PHLPP1: variants seen among roughly 807,000 people sequenced by gnomAD.
The protein encoded by PHLPP1 is PH domain and leucine rich repeat protein phosphatase 1.
PHLPP1 carries 42 observed loss-of-function variants against 117.2 expected under a neutral mutation model. The observed-to-expected ratio is 0.36, with a 90% CI of 0.28 to 0.46. The LOEUF (loss-of-function observed/expected upper bound fraction) is 0.46. PHLPP1 is among the 20% of genes least tolerant of loss of function. The probability of loss-of-function intolerance (pLI) is 1.00; values close to 1 mark genes in which losing one functional copy is unlikely to be tolerated. For missense variants in PHLPP1, 2,084 were observed against 2,241.9 expected, an observed-to-expected ratio of 0.93 and a Z score of 1.42; for synonymous variants, 1,042 against 970.7, an observed-to-expected ratio of 1.07 and a Z score of -1.37.
At chr18:62,777,791 AT>A (rs1427782092) in intron 1 of PHLPP1, among the ~76,000 whole-genome samples, 1 of 152,156 alleles carries the variant, frequency 6.6e-6, no homozygotes, top group African/African-American at 2.4e-5. Context: ...CTTTTAGAAT[AT>A]TTTTGTTAAA....
chr18:62,905,412 T>G (rs1916822192), intron 8 of PHLPP1, 128 bp downstream of exon 8: 1 of 432,520 alleles, frequency 2.3e-6, no homozygotes, highest in African/African-American at 2.0e-5. Flanking sequence ...GATTTTTACT[T>G]TATTCTCTAA....
intron 6 of PHLPP1, among the ~76,000 whole-genome samples, chr18:62,900,433 CTTTTTTTTTTTTTTTT>C (rs774225759): frequency 3.7e-5 from 2 of 54,258 alleles, no homozygotes; most frequent in Admixed American, 2.3e-4. Flanking sequence ...CTTTTTCTTT[CTTTTTTTTTTTTTTTT>C]TTTTTTTTTT....
chr18:62,822,877 A>G (rs933751925), intron 1 of PHLPP1, among the ~76,000 whole-genome samples: 41 of 152,200 alleles, frequency 2.7e-4, no homozygotes, highest in Non-Finnish European at 5.1e-4. Flanking sequence ...ACTCAGTTTT[A>G]TTGCAGGTAC....
intron 14 of PHLPP1, among the ~76,000 whole-genome samples, chr18:62,969,687 C>T (rs559810386): frequency 5.9e-5 from 9 of 152,272 alleles, no homozygotes; most frequent in African/African-American, 2.2e-4. Flanking sequence ...AATGATGTAG[C>T]CTCTTGATGA....
intron 1 of PHLPP1, among the ~76,000 whole-genome samples, chr18:62,732,224 C>T (rs1911246538): frequency 6.6e-6 from 1 of 152,160 alleles, no homozygotes. Flanking sequence ...TACCTGGCTT[C>T]CTTCAAAGGA....
chr18:62,933,506 C>T (rs1909880302), intron 10 of PHLPP1, among the ~76,000 whole-genome samples: 1 of 152,094 alleles, frequency 6.6e-6, no homozygotes, highest in African/African-American at 2.4e-5. Flanking sequence ...CAAAAATAAA[C>T]AATGAGGAAA....
At chr18:62,945,013 A>T (rs1910236989) in intron 11 of PHLPP1, 96 bp from the exon 12 acceptor site, 1 of 946,360 alleles carries the variant, frequency 1.1e-6, no homozygotes, top group Non-Finnish European at 1.5e-6. Flanking sequence ...AATGACTGTT[A>T]CAAATGAATC....
intron 1 of PHLPP1, among the ~76,000 whole-genome samples, chr18:62,777,023 T>C (rs1452859392): frequency 6.6e-6 from 1 of 152,242 alleles, no homozygotes; most frequent in African/African-American, 2.4e-5. Context: ...GTTATGAACA[T>C]TGGTGTTACA....
chr18:62,823,634 A>C (rs1914529175), intron 1 of PHLPP1, among the ~76,000 whole-genome samples: 1 of 150,148 alleles, frequency 6.7e-6, no homozygotes, highest in African/African-American at 2.5e-5. Flanking sequence ...ATATATGTAG[A>C]TATATATAGA....
intron 1 of PHLPP1, among the ~76,000 whole-genome samples, chr18:62,820,669 G>T (rs1914425132): frequency 6.6e-6 from 1 of 152,138 alleles, no homozygotes; most frequent in Admixed American, 6.5e-5. Context: ...TACCATGATT[G>T]TGAGTTTCCT....
intron 1 of PHLPP1, among the ~76,000 whole-genome samples, chr18:62,730,830 G>A (rs1425928494): frequency 1.3e-5 from 2 of 151,866 alleles, no homozygotes; most frequent in African/African-American, 4.8e-5. Flanking sequence ...AACTTTGTGA[G>A]ATTCAGATTT....
chr18:62,835,163 G>A (rs1914856455), intron 2 of PHLPP1, among the ~76,000 whole-genome samples: 1 of 149,658 alleles, frequency 6.7e-6, no homozygotes, highest in South Asian at 2.1e-4. Context: ...CTAGTACAGT[G>A]TTGAATAGAA....
In PHLPP1 at chr18:62,823,857, C is replaced by T. The variant is rs61242372; in HGVS notation, c.1577-6178C>T. Reference sequence around the variant, plus strand: ...CTAAAAGTGTTGACTGGGGGCCAGGCGCGGTGGCTTATTCCTGTAATTCCA... The same window carrying T: ...CTAAAAGTGTTGACTGGGGGCCAGGTGCGGTGGCTTATTCCTGTAATTCCA... On this transcript the variant is annotated intron_variant, in intron 1 of 16. Coordinates refer to ENST00000262719, the MANE Select transcript of PHLPP1 (RefSeq NM_194449.4). Among the ~76,000 whole-genome samples, 753 of 152,182 alleles carry T rather than the reference C, an allele frequency of 4.9e-3. 10 individuals carry two copies. Among genetic ancestry groups the T allele is most frequent in the African/African-American group, 0.017 (710 of 41,546 alleles).
chr18:62,764,462 C>T (rs1912390954), intron 1 of PHLPP1, among the ~76,000 whole-genome samples: 1 of 151,780 alleles, frequency 6.6e-6, no homozygotes, highest in Non-Finnish European at 1.5e-5. Context: ...GGATGCTAGT[C>T]ACACTTAACG....
At chr18:62,965,243 C>T (rs959001691) in intron 14 of PHLPP1, among the ~76,000 whole-genome samples, 2 of 151,968 alleles carry the variant, frequency 1.3e-5, no homozygotes, top group Non-Finnish European at 2.9e-5. Flanking sequence ...TTTTTGTTTG[C>T]ATTGTCAATA....
intron 1 of PHLPP1, among the ~76,000 whole-genome samples, chr18:62,775,735 A>G (rs1351130467): frequency 1.3e-5 from 2 of 152,218 alleles, no homozygotes; most frequent in Non-Finnish European, 2.9e-5. Flanking sequence ...CATTTGAAGT[A>G]TATAATTAGA....
At chr18:62,874,766 T>A (rs573188329) in intron 4 of PHLPP1, among the ~76,000 whole-genome samples, 5 of 152,254 alleles carry the variant, frequency 3.3e-5, no homozygotes, top group African/African-American at 1.2e-4. Context: ...TGCACAGCTT[T>A]AGGATGTGGG....
At chr18:62,898,897 T>C (rs1482234876) in intron 6 of PHLPP1, among the ~76,000 whole-genome samples, 7 of 151,784 alleles carry the variant, frequency 4.6e-5, no homozygotes, top group Non-Finnish European at 1.0e-4. Context: ...TTCCCAGATT[T>C]AAGCAATTTT....
chr18:62,789,466 C>G (rs1326312264), intron 1 of PHLPP1, among the ~76,000 whole-genome samples: 3 of 152,096 alleles, frequency 2.0e-5, no homozygotes, highest in Admixed American at 6.5e-5. Context: ...TGTAAAACAT[C>G]TGAATTGTTC....
Sources: allele counts gnomAD v4.1 joint callset (sites outside exome capture counted in the v4.1 genomes callset), GRCh38; gene constraint gnomAD v4.1.1; transcripts MANE v1.5; gene names NCBI Gene and HGNC (gene_info 2026-07-23, HGNC 2026-07-21).